The following PHF24 variants were observed in gnomAD, a reference collection of about 807,000 sequenced individuals.
The protein encoded by PHF24 is Galpha inhibitory interacting protein.
A neutral mutation model predicts 42.6 loss-of-function variants in PHF24; 25 were observed. That is an observed-to-expected ratio of 0.59 (90% CI 0.43 to 0.82). The LOEUF is 0.82. Ranked by LOEUF, PHF24 falls within the 40% of genes least tolerant of loss-of-function variation. PHF24 has a pLI of 0.00. For synonymous variants in PHF24, 185 were observed against 204.8 expected (o/e 0.90, Z 0.83); for missense variants, 470 against 538.1 (o/e 0.87, Z 1.25).
the PHF24 span, among the ~76,000 whole-genome samples, chr9:34,750,862 T>A: frequency 3.3e-5 from 5 of 152,290 alleles, no homozygotes; most frequent in African/African-American, 1.2e-4. Flanking sequence ...TATTATGGAC[T>A]TAGTATTTTA....
At chr9:34,785,298 G>A in the PHF24 span, among the ~76,000 whole-genome samples, 1 of 152,206 alleles carries the variant, frequency 6.6e-6, no homozygotes, top group Non-Finnish European at 1.5e-5. Context: ...TCTTCTGTAA[G>A]GGCATTAATC....
chr9:34,832,200 GC>G, the PHF24 span: 1 of 391,878 alleles, frequency 2.6e-6, no homozygotes, highest in Non-Finnish European at 4.6e-6. Flanking sequence ...CCTCTGGAGG[GC>G]TGCAGCAGTT....
chr9:34,976,352 G>A, intron 4 of PHF24, 122 bp downstream of exon 4: 1 of 1,008,726 alleles, frequency 9.9e-7, no homozygotes, highest in Non-Finnish European at 1.5e-6. Flanking sequence ...ATGAGTCCTT[G>A]TTCCTGAGTT....
upstream of PHF24, among the ~76,000 whole-genome samples, chr9:34,953,009 T>C (rs1483641559): frequency 6.6e-6 from 1 of 152,148 alleles, no homozygotes; most frequent in Non-Finnish European, 1.5e-5. This position sits in a 1 kb window ranked among gnomAD's most constrained non-coding sequence, Gnocchi z 4.1. Context: ...ATAATAAAAG[T>C]ATAAACTTCA....
At chr9:34,700,268 C>T in the PHF24 span, among the ~76,000 whole-genome samples, 1 of 152,102 alleles carries the variant, frequency 6.6e-6, no homozygotes, top group Non-Finnish European at 1.5e-5. Context: ...GACATAAACT[C>T]GCTCTAGCTG....
chr9:34,702,946 G>A, the PHF24 span, among the ~76,000 whole-genome samples: 1 of 152,148 alleles, frequency 6.6e-6, no homozygotes, highest in South Asian at 2.1e-4. Context: ...GCATTATTTT[G>A]TCCCCAGATA....
the PHF24 span, chr9:34,922,276 G>A: frequency 6.3e-7 from 1 of 1,592,474 alleles, no homozygotes; most frequent in Non-Finnish European, 8.6e-7. Context: ...TGCATTATTA[G>A]TGTGCTGTCT....
chr9:34,837,840 A>G, the PHF24 span: 16 of 641,468 alleles, frequency 2.5e-5, no homozygotes, highest in East Asian at 1.2e-4. Flanking sequence ...TTCTTTGCCT[A>G]TTCCACCTTT....
chr9:34,822,236 A>G, the PHF24 span, among the ~76,000 whole-genome samples: 16 of 152,100 alleles, frequency 1.1e-4, no homozygotes, highest in Middle Eastern at 6.8e-3. Flanking sequence ...TCTGCTCTTC[A>G]TTTCTTGGTG....
chr9:34,947,837 G>A, the PHF24 span, among the ~76,000 whole-genome samples: 18 of 152,056 alleles, frequency 1.2e-4, no homozygotes, highest in African/African-American at 2.2e-4. Flanking sequence ...GGCTGGGCGC[G>A]GTGGCTCACA....
the PHF24 span, among the ~76,000 whole-genome samples, chr9:34,716,797 G>C: frequency 2.6e-5 from 4 of 151,988 alleles, no homozygotes; most frequent in South Asian, 2.1e-4. Flanking sequence ...TTGTAGAAAG[G>C]GGGTTTCACC....
chr9:34,975,460 T>G (rs1223816579), intron 3 of PHF24, among the ~76,000 whole-genome samples: 1 of 152,232 alleles, frequency 6.6e-6, no homozygotes, highest in African/African-American at 2.4e-5. Flanking sequence ...TCTTGTACTT[T>G]GCGGGTATCT....
At chr9:34,812,006 G>T in the PHF24 span, among the ~76,000 whole-genome samples, 92 of 152,304 alleles carry the variant, frequency 6.0e-4, no homozygotes, top group Non-Finnish European at 1.0e-3. Flanking sequence ...CTCCAAAGAA[G>T]ATATGCAAAC....
chr9:34,786,154 C>CAAAGG, the PHF24 span, among the ~76,000 whole-genome samples: 3 of 152,120 alleles, frequency 2.0e-5, no homozygotes, highest in Non-Finnish European at 4.4e-5. Flanking sequence ...CACTGGGGTC[C>CAAAGG]TTTGGAGGAC....
chr9:34,679,706 G>A, the PHF24 span, among the ~76,000 whole-genome samples: 1 of 151,850 alleles, frequency 6.6e-6, no homozygotes, highest in Non-Finnish European at 1.5e-5. Flanking sequence ...AGAGCGAGAC[G>A]CCTTCTCAAA....
the PHF24 span, among the ~76,000 whole-genome samples, chr9:34,934,988 G>T: frequency 6.6e-6 from 1 of 152,142 alleles, no homozygotes; most frequent in Non-Finnish European, 1.5e-5. Context: ...CCCCTGAAAG[G>T]ATGTGAATAT....
upstream of PHF24, among the ~76,000 whole-genome samples, chr9:34,955,625 C>T (rs879642240): frequency 2.6e-5 from 4 of 152,116 alleles, no homozygotes; most frequent in Non-Finnish European, 5.9e-5. Context: ...TGCAGTGAGC[C>T]GAGATCAAGC....
the PHF24 span, among the ~76,000 whole-genome samples, chr9:34,873,036 C>G: frequency 6.8e-6 from 1 of 146,126 alleles, no homozygotes; most frequent in Admixed American, 6.8e-5. Context: ...CCTTTGCCCA[C>G]TTTTTGATGG....
chr9:34,683,280 C>T, the PHF24 span, among the ~76,000 whole-genome samples: 1 of 152,220 alleles, frequency 6.6e-6, no homozygotes, highest in Non-Finnish European at 1.5e-5. Flanking sequence ...AAGCTGGTCT[C>T]GAACTCCTGA....
Sources: gnomAD v4.1 joint callset for allele counts (sites outside exome capture counted in the v4.1 genomes callset) on GRCh38, gnomAD v4.1.1 for gene constraint, Gnocchi (gnomAD v3.1) non-coding constraint, MANE v1.5 for transcripts, NCBI Gene and HGNC (gene_info 2026-07-23, HGNC 2026-07-21) for gene names.